RAPGEF1: variants seen among roughly 807,000 people sequenced by gnomAD.
The protein encoded by RAPGEF1 is CRK SH3-binding GNRP.
In RAPGEF1, 33 loss-of-function variants were observed where a neutral mutation model predicts 143.3. The ratio of observed to expected loss-of-function variants is 0.23; its 90% CI spans 0.17 to 0.31. The LOEUF is 0.31. Among genes scored for constraint, RAPGEF1 ranks in the 10% least tolerant of loss-of-function variants. The pLI is 1.00. For synonymous variants in RAPGEF1, 629 were observed against 676.5 expected, an observed-to-expected ratio of 0.93 and a Z score of 1.09; for missense variants, 1,199 against 1,645.4, an observed-to-expected ratio of 0.73 and a Z score of 4.69.
chr9:131,708,612 T>C (rs547968836), intron 1 of RAPGEF1, among the ~76,000 whole-genome samples: 84 of 152,360 alleles, frequency 5.5e-4, no homozygotes, highest in African/African-American at 1.9e-3. Context: ...TTGAAAGTAC[T>C]TTGGAACTTT....
Position 131,588,933 on chromosome 9 carries a change from C to A in RAPGEF1, c.2921G>T (p.Arg974Leu). 6.2e-7 allele frequency: 1 copy of A among 1,613,912 alleles called. No individual in the cohort carries two copies. The highest frequency in any genetic ancestry group is 1.1e-5 in the South Asian group (1 of 91,082). ...GCTCAGCTCCCCATTGCACACCAGG[C>A]GGAAGACCAGTTCCATCAGCAGCTT... ...ILKLLMELVF[R>L]LVCNGELSLA... The change falls in exon 20 of 27, where the codon CGC becomes CTC. Residue 974 changes from arginine to leucine, a missense_variant. Coordinates refer to ENST00000683357, the MANE Select transcript of RAPGEF1 (RefSeq NM_001377935.1).
At chr9:131,630,619 C>T (rs1964582414) in intron 5 of RAPGEF1, among the ~76,000 whole-genome samples, 1 of 152,180 alleles carries the variant, frequency 6.6e-6, no homozygotes, top group Non-Finnish European at 1.5e-5. Flanking sequence ...GTTTATCACA[C>T]AAATTAAAAT....
chr9:131,579,747 G>T, intron 26 of RAPGEF1, 100 bp from the exon 27 acceptor site: 2 of 1,306,434 alleles, frequency 1.5e-6, no homozygotes, highest in Non-Finnish European at 2.1e-6. Flanking sequence ...CATCCCCACA[G>T]CCTCGCAGCA....
intron 1 of RAPGEF1, among the ~76,000 whole-genome samples, chr9:131,663,742 A>C (rs1304884875): frequency 6.6e-6 from 1 of 152,204 alleles, no homozygotes; most frequent in Non-Finnish European, 1.5e-5. Flanking sequence ...TGATAATGCT[A>C]AGTTCGATCA....
At chr9:131,674,618 G>A (rs997105812) in intron 1 of RAPGEF1, among the ~76,000 whole-genome samples, 12 of 152,182 alleles carry the variant, frequency 7.9e-5, no homozygotes, top group South Asian at 2.1e-4. Flanking sequence ...CTGCTTGGGC[G>A]GTGGGCGCGT....
chr9:131,580,994 AAGT>A (rs2132074929), intron 25 of RAPGEF1, among the ~76,000 whole-genome samples: 2 of 151,712 alleles, frequency 1.3e-5, no homozygotes, highest in East Asian at 3.9e-4. Context: ...AAAATACAAA[AAGT>A]AGCCGGGCAT....
At chr9:131,631,301 C>A (rs1333285368) in intron 5 of RAPGEF1, among the ~76,000 whole-genome samples, 1 of 152,216 alleles carries the variant, frequency 6.6e-6, no homozygotes, top group Non-Finnish European at 1.5e-5. Flanking sequence ...AATTTTAGGA[C>A]TTCTCATCAC....
At chr9:131,591,204 TAA>T (rs1954185499) in intron 18 of RAPGEF1, among the ~76,000 whole-genome samples, 1 of 152,206 alleles carries the variant, frequency 6.6e-6, no homozygotes, top group South Asian at 2.1e-4. Context: ...TCAGGGATTC[TAA>T]AGGTCAACAC....
intron 3 of RAPGEF1, among the ~76,000 whole-genome samples, chr9:131,647,518 T>C (rs1424023169): frequency 6.6e-6 from 1 of 152,096 alleles, no homozygotes; most frequent in African/African-American, 2.4e-5. Context: ...TGAAGTAAAA[T>C]AAGAATGTAC....
intron 25 of RAPGEF1, 149 bp from the exon 26 acceptor site, chr9:131,580,540 G>T: frequency 3.0e-6 from 3 of 993,310 alleles, no homozygotes; most frequent in Non-Finnish European, 4.3e-6. Context: ...CTGTTTCCCA[G>T]AACAAACTCC....
chr9:131,716,499 C>T (rs1347627209), intron 1 of RAPGEF1, among the ~76,000 whole-genome samples: 1 of 152,186 alleles, frequency 6.6e-6, no homozygotes, highest in Admixed American at 6.5e-5. Context: ...GGCACTATGG[C>T]TCATGCCTGT....
intron 1 of RAPGEF1, among the ~76,000 whole-genome samples, chr9:131,716,273 T>G (rs2131248719): frequency 1.3e-5 from 2 of 152,340 alleles, no homozygotes; most frequent in Middle Eastern, 6.8e-3. Context: ...TTCTGGCTTT[T>G]CAAGAAGCTT....
At chr9:131,662,802 C>T (rs118184123) in intron 1 of RAPGEF1, among the ~76,000 whole-genome samples, 5,434 of 152,168 alleles carry the variant, frequency 0.036, 210 homozygotes, top group East Asian at 0.089. Flanking sequence ...CTCGGCCTCC[C>T]AAAGTGCTAG....
intron 1 of RAPGEF1, among the ~76,000 whole-genome samples, chr9:131,689,343 T>C (rs1386192427): frequency 6.6e-6 from 1 of 152,174 alleles, no homozygotes; most frequent in Non-Finnish European, 1.5e-5. Flanking sequence ...GTATTTCAAG[T>C]ACATGCAGCT....
intron 16 of RAPGEF1, among the ~76,000 whole-genome samples, chr9:131,597,560 C>A (rs989214830): frequency 6.6e-6 from 1 of 152,162 alleles, no homozygotes; most frequent in South Asian, 2.1e-4. Context: ...TTTATGAAGC[C>A]GCTCCTTTGT....
chr9:131,724,567 C>A (rs1480339900), intron 1 of RAPGEF1, among the ~76,000 whole-genome samples: 2 of 152,152 alleles, frequency 1.3e-5, no homozygotes, highest in East Asian at 3.8e-4. Context: ...TGCACTCCAG[C>A]CTGGGCGACT....
intron 5 of RAPGEF1, among the ~76,000 whole-genome samples, chr9:131,632,299 T>TC: frequency 6.6e-6 from 1 of 150,884 alleles, no homozygotes; most frequent in Admixed American, 6.6e-5. Context: ...CGGCTAATTT[T>TC]TTTTTTTTTT....
intron 1 of RAPGEF1, among the ~76,000 whole-genome samples, chr9:131,707,370 C>G (rs536187988): frequency 8.5e-5 from 13 of 152,186 alleles, no homozygotes; most frequent in Non-Finnish European, 1.6e-4. Flanking sequence ...ACTTGTTAAA[C>G]TTATCCCATT....
At chr9:131,662,487 C>T (rs1187580724) in intron 1 of RAPGEF1, among the ~76,000 whole-genome samples, 2 of 152,104 alleles carry the variant, frequency 1.3e-5, no homozygotes, top group Non-Finnish European at 2.9e-5. Flanking sequence ...CTCACATGAT[C>T]CTCCTGAGGA....
Sources: allele counts gnomAD v4.1 joint callset (sites outside exome capture counted in the v4.1 genomes callset), GRCh38; gene constraint gnomAD v4.1.1; transcripts MANE v1.5; gene names NCBI Gene and HGNC (gene_info 2026-07-23, HGNC 2026-07-21).